RBPMS2: variants seen among roughly 807,000 people sequenced by gnomAD.
RBPMS2 encodes RNA binding protein, mRNA processing factor 2.
In RBPMS2, 14 loss-of-function variants were observed where a neutral mutation model predicts 25.7. The ratio of observed to expected loss-of-function variants is 0.55; its 90% confidence interval spans 0.36 to 0.85. The LOEUF is 0.85. Ranked by LOEUF, RBPMS2 falls within the 40% of genes least tolerant of loss-of-function variation. The pLI is 0.01. For missense variants in RBPMS2, 252 were observed against 283.4 expected, an observed-to-expected ratio of 0.89 and a Z score of 0.80; for synonymous variants, 127 against 115.6, an observed-to-expected ratio of 1.10 and a Z score of -0.63.
chr15:64,751,476 G>T, intron 2 of RBPMS2, 85 bp downstream of exon 2: 1 of 1,182,810 alleles, frequency 8.5e-7, no homozygotes, highest in Non-Finnish European at 1.3e-6. Flanking sequence ...GCATCATCCT[G>T]CTGCCCTGCC....
intron 6 of RBPMS2, among the ~76,000 whole-genome samples, chr15:64,743,865 G>T (rs530587326): frequency 2.6e-5 from 4 of 152,328 alleles, no homozygotes; most frequent in South Asian, 4.1e-4. Flanking sequence ...AGCACTCTAG[G>T]AGGCAGAGGT....
rs1472963436 is a variant in RBPMS2 at position 64,775,512 on chromosome 15, G to A, written c.-193C>T. The stretch of plus-strand genomic sequence containing the variant: ...TCAAGTTTGGCGGGTGCGGAAGGTG[G>A]GGAGGGGGTGCGGCGGGGGAGGCAG... On this transcript the variant is annotated 5_prime_UTR_variant, in exon 1 of 8. Coordinates refer to ENST00000300069, the MANE Select transcript of RBPMS2 (RefSeq NM_194272.3). 3.7e-5 allele frequency: 12 copies of A among 325,444 alleles called. No individual in the cohort carries two copies. In the East Asian group the frequency reaches 5.6e-4, roughly 15 times the overall value. The allele number at this position is 325,444 out of a possible 1,614,324, so 20.2% of individuals were successfully genotyped here.
chr15:64,745,234 G>A (rs1247066557), intron 6 of RBPMS2, among the ~76,000 whole-genome samples: 1 of 152,154 alleles, frequency 6.6e-6, no homozygotes, highest in African/African-American at 2.4e-5. Flanking sequence ...AAAAGTACAG[G>A]TTTTCTGGGG....
intron 1 of RBPMS2, among the ~76,000 whole-genome samples, chr15:64,767,569 G>A (rs1398280048): frequency 1.3e-5 from 2 of 152,210 alleles, no homozygotes; most frequent in African/African-American, 4.8e-5. Context: ...TGAGAGCCAA[G>A]CAAAGGCTCA....
chr15:64,775,093 C>T (rs2083920700), intron 1 of RBPMS2, 140 bp downstream of exon 1: 1 of 368,506 alleles, frequency 2.7e-6, no homozygotes. Flanking sequence ...CCGCTCCTAC[C>T]CGGGCGAGAG....
chr15:64,741,904 G>A (rs942067137), intron 6 of RBPMS2, among the ~76,000 whole-genome samples: 3 of 152,152 alleles, frequency 2.0e-5, no homozygotes, highest in Admixed American at 6.5e-5. Flanking sequence ...AGCGGCTCAC[G>A]CCTGTAATCC....
chr15:64,764,002 C>CT (rs2083817645), intron 1 of RBPMS2, among the ~76,000 whole-genome samples: 1 of 152,186 alleles, frequency 6.6e-6, no homozygotes, highest in African/African-American at 2.4e-5. Flanking sequence ...TGACCTACAC[C>CT]TCATTTAGGG....
chr15:64,775,208 G>T, intron 1 of RBPMS2, 25 bp downstream of exon 1: 1 of 1,205,148 alleles, frequency 8.3e-7, no homozygotes, highest in Non-Finnish European at 1.0e-6. Flanking sequence ...GCTTCACCCG[G>T]CAAGTCCCGG....
At chr15:64,747,781 C>T (rs1371693020) in intron 6 of RBPMS2, among the ~76,000 whole-genome samples, 2 of 152,180 alleles carry the variant, frequency 1.3e-5, no homozygotes. Context: ...GCCTTCCTGG[C>T]CCTGCTCTAA....
chr15:64,771,262 A>G (rs1226253173), intron 1 of RBPMS2, among the ~76,000 whole-genome samples: 1 of 152,256 alleles, frequency 6.6e-6, no homozygotes, highest in Non-Finnish European at 1.5e-5. Flanking sequence ...TTTAAAAATT[A>G]CTATAACTTA....
chr15:64,765,975 G>A (rs1384964326), intron 1 of RBPMS2, among the ~76,000 whole-genome samples: 1 of 117,402 alleles, frequency 8.5e-6, no homozygotes, highest in Non-Finnish European at 1.9e-5. Context: ...CCTGGCAACA[G>A]AGCGAGACTG....
chr15:64,751,393 G>C (rs563588805), intron 2 of RBPMS2, among the ~76,000 whole-genome samples, 168 bp downstream of exon 2: 1 of 151,318 alleles, frequency 6.6e-6, no homozygotes, highest in South Asian at 2.1e-4. Context: ...CAGAGGCTCA[G>C]AAGGCAGCAT....
chr15:64,774,505 G>C (rs555125355), intron 1 of RBPMS2, among the ~76,000 whole-genome samples: 1 of 152,236 alleles, frequency 6.6e-6, no homozygotes, highest in South Asian at 2.1e-4. Flanking sequence ...GCACATGGCC[G>C]GTGGACGAGA....
intron 1 of RBPMS2, among the ~76,000 whole-genome samples, chr15:64,772,515 T>A (rs1211577093): frequency 6.6e-6 from 1 of 152,194 alleles, no homozygotes; most frequent in Non-Finnish European, 1.5e-5. Flanking sequence ...ACCACAGTCA[T>A]TACTGCCCTA....
At chr15:64,747,453 C>T (rs950770674) in intron 6 of RBPMS2, among the ~76,000 whole-genome samples, 2 of 152,104 alleles carry the variant, frequency 1.3e-5, no homozygotes, top group South Asian at 2.1e-4. Context: ...TTCTCTCCTT[C>T]GCAGCAGCAC....
At chr15:64,769,504 C>CA (rs201288831) in intron 1 of RBPMS2, among the ~76,000 whole-genome samples, 19,191 of 147,490 alleles carry the variant, frequency 0.13, 2,397 homozygotes, top group African/African-American at 0.32. Context: ...CTAAAAAATA[C>CA]AAAAAATTAG....
chr15:64,763,758 C>T (rs559677293), intron 1 of RBPMS2, among the ~76,000 whole-genome samples: 2 of 145,962 alleles, frequency 1.4e-5, no homozygotes, highest in African/African-American at 5.1e-5. Flanking sequence ...AAGTTTGGGG[C>T]TCTTCCTCAT....
intron 1 of RBPMS2, among the ~76,000 whole-genome samples, chr15:64,774,680 G>C (rs1025252343): frequency 6.7e-6 from 1 of 150,106 alleles, no homozygotes; most frequent in South Asian, 2.2e-4. Flanking sequence ...AGGTTCTGGG[G>C]CTGTGAAGAA....
At chr15:64,773,602 G>A (rs1036429331) in intron 1 of RBPMS2, among the ~76,000 whole-genome samples, 1 of 152,164 alleles carries the variant, frequency 6.6e-6, no homozygotes, top group Admixed American at 6.5e-5. Flanking sequence ...GGCCACATGG[G>A]TCACCCTTCT....
Sources: allele counts gnomAD v4.1 joint callset (sites outside exome capture counted in the v4.1 genomes callset), GRCh38; gene constraint gnomAD v4.1.1; transcripts MANE v1.5; gene names NCBI Gene and HGNC (gene_info 2026-07-23, HGNC 2026-07-21).